The following RBM33 variants were observed in gnomAD, a reference collection of about 807,000 sequenced individuals.
The protein encoded by RBM33 is RNA-binding protein 33.
RBM33 carries 28 observed loss-of-function variants against 132.6 expected under a neutral mutation model. The ratio of observed to expected loss-of-function variants is 0.21; its 90% CI spans 0.16 to 0.29. RBM33 has a LOEUF of 0.29. RBM33 is among the 10% of genes least tolerant of loss of function. RBM33 has a pLI of 1.00. For missense variants in RBM33, 1,291 were observed against 1,518.5 expected, an observed-to-expected ratio of 0.85 and a Z score of 2.49; for synonymous variants, 634 against 593.0, an observed-to-expected ratio of 1.07 and a Z score of -1.01.
At chr7:155,746,240 T>G (rs185651369) in intron 14 of RBM33, among the ~76,000 whole-genome samples, 2 of 152,348 alleles carry the variant, frequency 1.3e-5, no homozygotes, top group African/African-American at 2.4e-5. Flanking sequence ...TTGTGGTGTA[T>G]AGCTTTAGAC....
chr7:155,685,756 A>G (rs1444356349), intron 5 of RBM33, among the ~76,000 whole-genome samples: 3 of 152,234 alleles, frequency 2.0e-5, no homozygotes, highest in Non-Finnish European at 2.9e-5. Flanking sequence ...TGGGCCAGAC[A>G]TGCAAGCCAC....
At chr7:155,710,179 T>G (rs1800240744) in intron 7 of RBM33, among the ~76,000 whole-genome samples, 1 of 152,246 alleles carries the variant, frequency 6.6e-6, no homozygotes, top group South Asian at 2.1e-4. Flanking sequence ...GGGAAAATGC[T>G]TGTTAAATTA....
chr7:155,729,554 TAGTG>T (rs1047381931), intron 9 of RBM33, among the ~76,000 whole-genome samples: 1 of 151,994 alleles, frequency 6.6e-6, no homozygotes, highest in Non-Finnish European at 1.5e-5. Context: ...CTGGGTAACA[TAGTG>T]AGACCCCATC....
At chr7:155,742,234 T>TG in intron 13 of RBM33, 128 bp downstream of exon 13, 2 of 858,916 alleles carry the variant, frequency 2.3e-6, no homozygotes, top group South Asian at 3.9e-5. Flanking sequence ...TGGGTCTTTT[T>TG]TTTTTTTTAA....
rs1021951335 is a variant in RBM33, at chr7:155,763,973, C to A, written c.3141C>A (p.Val1047=). 6.3e-7 allele frequency: 1 copy of A among 1,592,234 alleles called. No individual in the cohort carries two copies. Among genetic ancestry groups the A allele is most frequent in the South Asian group, 1.1e-5 (1 of 87,572 alleles). The change falls in exon 15 of 18, where the codon GTC becomes GTA. Residue 1047 remains valine (V), a synonymous_variant. Coordinates refer to ENST00000401878, the MANE Select transcript of RBM33 (RefSeq NM_053043.3). ...LPAGPHAHSP[V]PPGIKSIQGI... ...CGGGGCCCCACGCACACTCGCCTGT[C>A]CCTCCAGGGATCAAAAGCATCCAAG...
chr7:155,686,514 T>C (rs1799482475), intron 5 of RBM33, among the ~76,000 whole-genome samples: 1 of 152,028 alleles, frequency 6.6e-6, no homozygotes, highest in Non-Finnish European at 1.5e-5. Context: ...AGTTCTAGGG[T>C]ACATGTGCAT....
intron 16 of RBM33, among the ~76,000 whole-genome samples, chr7:155,768,644 T>C (rs1384871047): frequency 6.6e-6 from 1 of 152,232 alleles, no homozygotes; most frequent in Non-Finnish European, 1.5e-5. Context: ...GGAGACGGAG[T>C]CTCGCTCTGT....
chr7:155,760,420 G>A (rs1801996753), intron 14 of RBM33, among the ~76,000 whole-genome samples: 1 of 152,222 alleles, frequency 6.6e-6, no homozygotes, highest in Non-Finnish European at 1.5e-5. Flanking sequence ...GGGTTGCTGA[G>A]TTGTGTGGAG....
chr7:155,743,753 T>C (rs1455375939), intron 13 of RBM33, among the ~76,000 whole-genome samples: 1 of 152,206 alleles, frequency 6.6e-6, no homozygotes, highest in Non-Finnish European at 1.5e-5. Flanking sequence ...GAACATGCTT[T>C]AACTCTTCCT....
chr7:155,707,395 A>G, intron 7 of RBM33: 2 of 482,914 alleles, frequency 4.1e-6, no homozygotes, highest in Admixed American at 2.6e-5. Context: ...TTCTGAGTGC[A>G]TTACATTTGA....
intron 9 of RBM33, among the ~76,000 whole-genome samples, chr7:155,720,775 A>G (rs937810672): frequency 1.3e-5 from 2 of 152,222 alleles, no homozygotes; most frequent in African/African-American, 4.8e-5. Flanking sequence ...GAGGTGCTGC[A>G]GGCTCTGTCT....
chr7:155,738,353 C>T lies in RBM33; in HGVS notation c.1687C>T (p.Pro563Ser), dbSNP rs1801199683. The T allele has an allele frequency of 6.2e-7, 1 of 1,613,828 alleles. No homozygotes were observed. The highest frequency in any genetic ancestry group is 1.3e-5 in the African/African-American group (1 of 74,916). ...PFIPPRQPFL[P>S]GPGQPFLPTH... is the part of the protein sequence containing the mutation. ...CATTCCTCCTAGACAGCCGTTCCTG[C>T]CAGGCCCAGGACAGCCGTTTCTGCC... Residue 563 changes from proline to serine, a missense_variant, in exon 11 of 18, where the codon CCA becomes TCA. Pro to Ser is a moderately conservative substitution (Grantham distance 74). Coordinates refer to ENST00000401878, the MANE Select transcript of RBM33 (RefSeq NM_053043.3).
In RBM33 at chr7:155,739,923, T is replaced by C; in HGVS notation, c.1946T>C (p.Leu649Ser). ...HHHLSVPPPP[L>S]MPMSQPQFRP... ...CACCTGTCCGTCCCGCCCCCTCCTTTGATGCCGATGTCTCAGCCACAGTTC... is the reference window on the plus strand; with the variant it reads ...CACCTGTCCGTCCCGCCCCCTCCTTCGATGCCGATGTCTCAGCCACAGTTC... The change falls in exon 12 of 18, where the codon TTG becomes TCG. Residue 649 changes from leucine to serine, a missense_variant. By Grantham distance (145) the Leu-to-Ser change is moderately radical. This residue lies in a region of RBM33 where 841 missense variants were observed against 912.0 expected (regional missense o/e 0.92). Coordinates refer to ENST00000401878, the MANE Select transcript of RBM33 (RefSeq NM_053043.3). 1.3e-6 allele frequency: 2 copies of C among 1,551,306 alleles called. No individual in the cohort carries two copies. The highest frequency in any genetic ancestry group is 1.7e-6 in the Non-Finnish European group (2 of 1,147,154).
rs373151048 is a variant in RBM33, at chr7:155,738,797, GGAA to G, written c.1737+400_1737+402del. On this transcript the variant is annotated intron_variant, in intron 11 of 17. Coordinates refer to ENST00000401878, the MANE Select transcript of RBM33 (RefSeq NM_053043.3). ...TTTTGAAAAGAGTCTTTGCATGGAGGGAAGAAGATGTTGCTGTTCACTGGTTAT... is the reference window on the plus strand; with the variant it reads ...TTTTGAAAAGAGTCTTTGCATGGAGGGAAGATGTTGCTGTTCACTGGTTAT... 19 of 186,508 alleles carry G rather than the reference GGAA, an allele frequency of 1.0e-4. No homozygotes were observed. The East Asian group carries it at 1.3e-3, about 13-fold the overall frequency. 11.6% of individuals were successfully genotyped at this position (186,508 alleles called of 1,614,324 possible).
At chr7:155,728,443 T>C (rs1800855954) in intron 9 of RBM33, among the ~76,000 whole-genome samples, 1 of 152,174 alleles carries the variant, frequency 6.6e-6, no homozygotes, top group Non-Finnish European at 1.5e-5. Context: ...TGCAAATCCT[T>C]CTTTCTCCGT....
intron 5 of RBM33, among the ~76,000 whole-genome samples, chr7:155,697,220 T>A (rs565161614): frequency 9.3e-4 from 141 of 152,254 alleles, no homozygotes; most frequent in African/African-American, 3.0e-3. Context: ...CTCCATAGAT[T>A]TGGAATTCTT....
chr7:155,686,124 A>G (rs1799471397), intron 5 of RBM33, among the ~76,000 whole-genome samples: 1 of 152,238 alleles, frequency 6.6e-6, no homozygotes, highest in African/African-American at 2.4e-5. Context: ...GAGAAAGGAC[A>G]GAATAATACA....
Position 155,737,547 on chromosome 7 carries a change from A to T in RBM33, c.1278A>T (p.Pro426=), listed in dbSNP as rs1245657413. The change falls in exon 10 of 18, where the codon CCA becomes CCT. Residue 426 remains proline, a synonymous_variant. Coordinates refer to ENST00000401878, the MANE Select transcript of RBM33 (RefSeq NM_053043.3). The part of the protein sequence containing the change: ...PQRFPGPPEF[P]QHTPGPVPNS... ...TTCTTTAGGGCCCTCCAGAATTTCC[A>T]CAGCATACACCTGGACCTGTTCCCA... 2.5e-6 allele frequency: 4 copies of T among 1,608,110 alleles called. No homozygotes were observed. The highest frequency in any genetic ancestry group is 3.4e-6 in the Non-Finnish European group (4 of 1,178,082).
rs1802750627 is a variant in RBM33, at chr7:155,779,779, G to A, written c.*4738G>A. ...TTAATGTCTCAACTCTCTCTTTTCT[G>A]TGTCATGTTTTGGTAGGAAATCTTT... On this transcript the variant is annotated 3_prime_UTR_variant, in exon 18 of 18. Transcript: ENST00000401878. 6.6e-6 allele frequency: 1 copy of A among 152,140 alleles called. No homozygotes were observed. Among genetic ancestry groups the A allele is most frequent in the African/African-American group, 2.4e-5 (1 of 41,434 alleles). 9.4% of individuals were successfully genotyped at this position (152,140 alleles called of 1,614,324 possible).
Sources: gnomAD v4.1 joint callset for allele counts (sites outside exome capture counted in the v4.1 genomes callset) on GRCh38, gnomAD v4.1.1 for gene constraint, gnomAD v4.1.1 regional missense constraint, MANE v1.5 for transcripts, NCBI Gene and HGNC (gene_info 2026-07-23, HGNC 2026-07-21) for gene names.